The following MED15 variants were observed in gnomAD, a reference collection of about 807,000 sequenced individuals.
MED15 encodes mediator complex subunit 15.
Under a neutral mutation model 118.7 loss-of-function variants are expected in MED15, and 41 were observed. That is an observed-to-expected ratio of 0.35 (90% CI 0.27 to 0.45). The LOEUF is 0.45. Ranked by LOEUF, MED15 falls within the 20% of genes least tolerant of loss-of-function variation. The pLI is 1.00. For synonymous variants in MED15, 436 were observed against 413.9 expected (o/e 1.05, Z -0.65); for missense variants, 740 against 1,025.5 (o/e 0.72, Z 3.80).
chr22:20,525,378 A>G (rs2054597961), intron 1 of MED15, among the ~76,000 whole-genome samples: 1 of 151,124 alleles, frequency 6.6e-6, no homozygotes, highest in Admixed American at 6.6e-5. Flanking sequence ...ACGCCCAGCT[A>G]ATTTTTGTAT....
chr22:20,511,540 T>C (rs895743531), intron 1 of MED15, among the ~76,000 whole-genome samples: 34 of 151,478 alleles, frequency 2.2e-4, no homozygotes, highest in Non-Finnish European at 3.5e-4. Flanking sequence ...GAAGAAAACA[T>C]TTGATGGTTA....
chr22:20,541,362 A>G (rs978244773), intron 2 of MED15, among the ~76,000 whole-genome samples: 3 of 152,260 alleles, frequency 2.0e-5, no homozygotes, highest in Admixed American at 6.5e-5. Context: ...AAAGATGCTC[A>G]ACATCACTAG....
intron 1 of MED15, among the ~76,000 whole-genome samples, chr22:20,527,487 G>T (rs2054688467): frequency 6.6e-6 from 1 of 151,674 alleles, no homozygotes; most frequent in South Asian, 2.1e-4. Flanking sequence ...TATTGCCCAG[G>T]CTGGAATGCA....
chr22:20,582,809 C>T (rs770743839), intron 10 of MED15, 31 bp from the exon 11 acceptor site: 11 of 1,605,034 alleles, frequency 6.9e-6, no homozygotes, highest in South Asian at 3.3e-5. Flanking sequence ...GCCTGGACCC[C>T]GGCTCACATG....
At chr22:20,557,690 C>A (rs2056072936) in intron 5 of MED15, among the ~76,000 whole-genome samples, 1 of 152,192 alleles carries the variant, frequency 6.6e-6, no homozygotes, top group Non-Finnish European at 1.5e-5. Context: ...TAAACCAGTT[C>A]TTTGTCAGAA....
intron 2 of MED15, among the ~76,000 whole-genome samples, chr22:20,548,389 T>A (rs1339053721): frequency 6.6e-6 from 1 of 152,200 alleles, no homozygotes; most frequent in East Asian, 1.9e-4. Context: ...GGTCTTGAAT[T>A]CCTGTCCTCA....
intron 1 of MED15, among the ~76,000 whole-genome samples, chr22:20,517,106 T>TG (rs536905812): frequency 1.1e-4 from 17 of 151,672 alleles, no homozygotes; most frequent in Non-Finnish European, 2.4e-4. Flanking sequence ...TTTTCTTATT[T>TG]TTTTTTTTTT....
intron 1 of MED15, among the ~76,000 whole-genome samples, chr22:20,519,440 T>G (rs1321465464): frequency 2.6e-5 from 4 of 151,186 alleles, no homozygotes; most frequent in Non-Finnish European, 3.0e-5. Flanking sequence ...TGAGGGTGTT[T>G]TTTTTTTTTT....
rs2146674864 is a variant in MED15, at chr22:20,582,711, C to T, written c.1373C>T (p.Pro458Leu). Residue 458 changes from proline to leucine, a missense_variant, in exon 10 of 18, where the codon CCC (proline) becomes CTC (leucine). This residue lies in a region of MED15 where 384 missense variants were observed against 506.3 expected (regional missense o/e 0.76). Transcript: ENST00000263205. ...MPPPPQPSPQ[P>L]GQPSSQPNSN... ...CCTCCCCCCCAGCCGTCCCCGCAGC[C>T]CGGCCAGCCCAGCTCACAGCCCAAC... is the stretch of plus-strand genomic sequence containing the variant. 6.3e-7 allele frequency: 1 copy of T among 1,596,322 alleles called. No individual in the cohort carries two copies. Among genetic ancestry groups the T allele is most frequent in the Non-Finnish European group, 8.5e-7 (1 of 1,177,654 alleles).
At chr22:20,508,432 A>C in intron 1 of MED15, 1 of 1,301,294 alleles carries the variant, frequency 7.7e-7, no homozygotes, top group Non-Finnish European at 1.0e-6. Context: ...AGAGACCACC[A>C]AACAGGCTTT....
At chr22:20,519,257 A>C (rs2054359832) in intron 1 of MED15, among the ~76,000 whole-genome samples, 1 of 152,100 alleles carries the variant, frequency 6.6e-6, no homozygotes, top group South Asian at 2.1e-4. Flanking sequence ...CCCATAAGGG[A>C]GATGTTCGCC....
intron 17 of MED15, among the ~76,000 whole-genome samples, chr22:20,586,137 TCTTCCCAGAGGCCACTAG>T (rs1204392323): frequency 2.0e-5 from 3 of 152,188 alleles, no homozygotes; most frequent in East Asian, 1.9e-4. Flanking sequence ...CAGTCCCCGC[TCTTCCCAGAGGCCACTAG>T]CTTCCCAGAG....
intron 1 of MED15, among the ~76,000 whole-genome samples, chr22:20,525,994 C>T (rs2054632468): frequency 1.3e-5 from 2 of 151,314 alleles, no homozygotes; most frequent in Admixed American, 6.6e-5. Context: ...GATTTTGGCT[C>T]GCTGCAGCTT....
At chr22:20,581,070 A>G (rs1271591947) in intron 9 of MED15, among the ~76,000 whole-genome samples, 1 of 152,046 alleles carries the variant, frequency 6.6e-6, no homozygotes, top group Non-Finnish European at 1.5e-5. Flanking sequence ...GGGACCTCTG[A>G]CCCAGCTGTG....
chr22:20,564,123 A>C (rs920364768), intron 5 of MED15, among the ~76,000 whole-genome samples: 1 of 152,222 alleles, frequency 6.6e-6, no homozygotes, highest in Non-Finnish European at 1.5e-5. Context: ...CATTCGTACA[A>C]AGAGTCCGGA....
intron 1 of MED15, among the ~76,000 whole-genome samples, chr22:20,529,024 G>A (rs2054757675): frequency 6.6e-6 from 1 of 152,144 alleles, no homozygotes; most frequent in Admixed American, 6.5e-5. Flanking sequence ...GTCACTGGGT[G>A]GGCGCACCCC....
chr22:20,527,522 G>T (rs1238173742), intron 1 of MED15, among the ~76,000 whole-genome samples: 1 of 151,546 alleles, frequency 6.6e-6, no homozygotes, highest in East Asian at 1.9e-4. Flanking sequence ...GCTCACTATG[G>T]CCTCGAACTC....
chr22:20,558,920 A>G lies in MED15; in HGVS notation c.451+3772A>G, dbSNP rs575899917. On this transcript the variant is annotated intron_variant, in intron 5 of 17. Transcript: ENST00000263205. ...AGAGACACCATGAAGGTGAACAGAA[A>G]AAATAGACACATGTAGGCATGCCCA... Among the ~76,000 whole-genome samples the G allele has an allele frequency of 4.7e-4, 71 of 152,316 alleles. No homozygotes were observed. In the South Asian group the frequency reaches 0.014, roughly 31 times the overall value.
At chr22:20,575,367 C>T in intron 9 of MED15, 135 bp downstream of exon 9, 1 of 1,160,706 alleles carries the variant, frequency 8.6e-7, no homozygotes, top group Non-Finnish European at 1.2e-6. Context: ...ACCCACAGTC[C>T]CTTTTTTTTT....
Sources: gnomAD v4.1 joint callset for allele counts (sites outside exome capture counted in the v4.1 genomes callset) on GRCh38, gnomAD v4.1.1 for gene constraint, gnomAD v4.1.1 regional missense constraint, MANE v1.5 for transcripts, NCBI Gene and HGNC (gene_info 2026-07-23, HGNC 2026-07-21) for gene names.